Variants in PTPRD observed in about 807,000 individuals in gnomAD.
PTPRD encodes the protein receptor-type tyrosine-protein phosphatase delta.
Under a neutral mutation model 214.5 loss-of-function variants are expected in PTPRD, and 34 were observed. The ratio of observed to expected loss-of-function variants is 0.16; its 90% CI spans 0.12 to 0.21. The LOEUF is 0.21. Among genes scored for constraint, PTPRD ranks in the 10% least tolerant of loss-of-function variants. The pLI, the probability that PTPRD is intolerant of heterozygous loss-of-function variation, is 1.00. For missense variants in PTPRD, 2,545 were observed against 2,398.7 expected (o/e 1.06, Z -1.27); for synonymous variants, 1,128 against 845.7 (o/e 1.33, Z -5.79).
chr9:8,330,651 C>CAT (rs1839434657), intron 44 of PTPRD, among the ~76,000 whole-genome samples: 2 of 152,078 alleles, frequency 1.3e-5, no homozygotes, highest in African/African-American at 2.4e-5. Flanking sequence ...GGACTTTAAA[C>CAT]CTCAGCTAAG....
intron 14 of PTPRD, among the ~76,000 whole-genome samples, chr9:8,598,283 C>G (rs926704246): frequency 6.6e-6 from 1 of 152,022 alleles, no homozygotes; most frequent in Non-Finnish European, 1.5e-5. Context: ...GAAACCCTGT[C>G]TCTATTAAAA....
chr9:8,622,779 T>C (rs957989333), intron 14 of PTPRD, among the ~76,000 whole-genome samples: 1 of 151,894 alleles, frequency 6.6e-6, no homozygotes, highest in African/African-American at 2.4e-5. Context: ...AAACCTTAAA[T>C]CCAGCAGTCT....
At chr9:10,132,558 G>T (rs892061910) in intron 3 of PTPRD, among the ~76,000 whole-genome samples, 5 of 152,114 alleles carry the variant, frequency 3.3e-5, no homozygotes, top group African/African-American at 1.2e-4. Context: ...AAAAATTTCA[G>T]TACACATACT....
chr9:10,489,538 G>C (rs559216597), intron 2 of PTPRD, among the ~76,000 whole-genome samples: 1 of 152,122 alleles, frequency 6.6e-6, no homozygotes, highest in Non-Finnish European at 1.5e-5. Context: ...AGAAGTTGTA[G>C]TCCTTGTGGC....
chr9:9,195,086 G>GTATATATATATATA lies in PTPRD; in HGVS notation c.-202-11737_-202-11724dup, dbSNP rs540804635. On this transcript the variant is annotated intron_variant, in intron 9 of 45. Transcript: ENST00000381196. Reference sequence around the variant, plus strand: ...CATATATACATATGTGTGTGTTTGTGTATATATATATATATATATATACAC... The same window carrying GTATATATATATATA: ...CATATATACATATGTGTGTGTTTGTGTATATATATATATATATATATATATATATATATATACAC... Among the ~76,000 whole-genome samples, 1,044 of 131,076 alleles carry GTATATATATATATA rather than the reference G, an allele frequency of 8.0e-3. 11 individuals carry two copies. Among genetic ancestry groups the GTATATATATATATA allele is most frequent in the East Asian group, 0.028 (110 of 3,928 alleles). The allele number at this position is 131,076 out of a possible 152,430, so 86.0% of individuals were successfully genotyped here. A position where few individuals can be genotyped will look rare whatever the true frequency, so the allele number is the denominator to read the frequency against.
At chr9:10,216,447 A>G (rs1306259723) in intron 3 of PTPRD, among the ~76,000 whole-genome samples, 1 of 151,998 alleles carries the variant, frequency 6.6e-6, no homozygotes, top group African/African-American at 2.4e-5. Flanking sequence ...TTAAAACTAA[A>G]ATGAATTTAA....
intron 9 of PTPRD, among the ~76,000 whole-genome samples, chr9:9,227,037 C>T (rs1207720583): frequency 1.3e-5 from 2 of 151,900 alleles, no homozygotes; most frequent in African/African-American, 4.8e-5. Flanking sequence ...AGTGCATTAT[C>T]ATAATTTCTG....
At chr9:8,764,891 T>A (rs1402838596) in intron 11 of PTPRD, among the ~76,000 whole-genome samples, 1 of 151,936 alleles carries the variant, frequency 6.6e-6, no homozygotes, top group Non-Finnish European at 1.5e-5. Flanking sequence ...TATGTAATCA[T>A]TTAATAATTA....
chr9:9,869,258 T>C (rs111731982), intron 5 of PTPRD, among the ~76,000 whole-genome samples: 7 of 152,314 alleles, frequency 4.6e-5, no homozygotes, highest in Admixed American at 2.0e-4. Flanking sequence ...GAAAGTCTTC[T>C]TTATGGAAGT....
At chr9:10,138,882 T>C (rs971719251) in intron 3 of PTPRD, among the ~76,000 whole-genome samples, 6 of 151,946 alleles carry the variant, frequency 3.9e-5, no homozygotes, top group South Asian at 2.1e-4. Context: ...AAACTAAGCA[T>C]TGAAGGAACA....
intron 9 of PTPRD, among the ~76,000 whole-genome samples, chr9:9,373,653 T>C (rs570449001): frequency 6.6e-6 from 1 of 152,234 alleles, no homozygotes; most frequent in East Asian, 1.9e-4. Flanking sequence ...TGCTCTTCTC[T>C]AATGAAATCT....
chr9:10,281,567 C>T (rs561318656), intron 3 of PTPRD, among the ~76,000 whole-genome samples: 1 of 152,174 alleles, frequency 6.6e-6, no homozygotes, highest in African/African-American at 2.4e-5. Context: ...TTTTACTTTG[C>T]TACTTAAACA....
rs192346998 is a variant in PTPRD at position 8,497,702 on chromosome 9, G to A, written c.2323-434C>T. On this transcript the variant is annotated intron_variant, in intron 25 of 45. Coordinates refer to ENST00000381196, the MANE Select transcript of PTPRD (RefSeq NM_002839.4). ...AATGAAATTTCAGTGAAGAGTCAAG[G>A]AAAGTAAATGAGATGGGAAAGAAAG... Among the ~76,000 whole-genome samples the A allele has an allele frequency of 1.2e-4, 19 of 152,152 alleles. No homozygotes were observed. In the East Asian group the frequency reaches 3.1e-3, roughly 25 times the overall value.
chr9:10,181,401 A>T (rs72696959), intron 3 of PTPRD, among the ~76,000 whole-genome samples: 8,187 of 152,248 alleles, frequency 0.054, 318 homozygotes, highest in Admixed American at 0.1. Context: ...CTGTGTTCAC[A>T]GTTGAAGTGA....
chr9:8,799,779 A>G (rs1377325110), intron 11 of PTPRD, among the ~76,000 whole-genome samples: 1 of 152,036 alleles, frequency 6.6e-6, no homozygotes, highest in East Asian at 1.9e-4. Flanking sequence ...TATTTACTCT[A>G]CCAATGCTCC....
intron 10 of PTPRD, among the ~76,000 whole-genome samples, chr9:9,057,205 G>A (rs1029422751): frequency 6.6e-6 from 1 of 152,080 alleles, no homozygotes; most frequent in Non-Finnish European, 1.5e-5. Context: ...GTAAATCAAT[G>A]AACAAGTTAA....
At chr9:8,638,383 A>T (rs1380459525) in intron 12 of PTPRD, among the ~76,000 whole-genome samples, 1 of 152,166 alleles carries the variant, frequency 6.6e-6, no homozygotes, top group Non-Finnish European at 1.5e-5. Flanking sequence ...CTTGGAGTCA[A>T]GGAAGCCGGA....
At chr9:8,588,186 T>A (rs2093818169) in intron 14 of PTPRD, among the ~76,000 whole-genome samples, 1 of 152,244 alleles carries the variant, frequency 6.6e-6, no homozygotes, top group Non-Finnish European at 1.5e-5. Context: ...TTCTGTGTTT[T>A]TATTTTCCTT....
chr9:8,383,044 A>AT (rs2085671698), intron 37 of PTPRD, among the ~76,000 whole-genome samples: 1 of 152,230 alleles, frequency 6.6e-6, no homozygotes, highest in South Asian at 2.1e-4. Flanking sequence ...GATAACAGCA[A>AT]TGAAAACAAT....
Sources: gnomAD v4.1 joint callset for allele counts (sites outside exome capture counted in the v4.1 genomes callset) on GRCh38, gnomAD v4.1.1 for gene constraint, MANE v1.5 for transcripts, NCBI Gene and HGNC (gene_info 2026-07-23, HGNC 2026-07-21) for gene names.